Variants in FHIT observed in about 807,000 individuals in gnomAD.
FHIT encodes the protein bis(5'-adenosyl)-triphosphatase.
Under a neutral mutation model 17.9 loss-of-function variants are expected in FHIT, and 19 were observed. The ratio of observed to expected loss-of-function variants is 1.06; its 90% CI spans 0.74 to 1.56. The LOEUF (loss-of-function observed/expected upper bound fraction) is 1.56. FHIT is among the 40% of genes most tolerant of loss of function. The pLI, the probability that FHIT is intolerant of heterozygous loss-of-function variation, is 0.00. For synonymous variants in FHIT, 81 were observed against 69.7 expected (o/e 1.16, Z -0.81); for missense variants, 248 against 189.2 (o/e 1.31, Z -1.82).
intron 3 of FHIT, among the ~76,000 whole-genome samples, chr3:60,967,950 T>C (rs143310519): frequency 1.5e-3 from 221 of 152,306 alleles, no homozygotes; most frequent in African/African-American, 5.1e-3. Context: ...TGTAGGTAAA[T>C]AAAAGTAAAT....
intron 2 of FHIT, among the ~76,000 whole-genome samples, chr3:61,053,863 T>G (rs1365559428): frequency 6.6e-6 from 1 of 152,044 alleles, no homozygotes; most frequent in African/African-American, 2.4e-5. Flanking sequence ...GAACCCAATC[T>G]AAAGGAAACA....
At chr3:60,224,176 G>A (rs922607454) in intron 5 of FHIT, among the ~76,000 whole-genome samples, 2 of 152,126 alleles carry the variant, frequency 1.3e-5, no homozygotes, top group Non-Finnish European at 2.9e-5. Context: ...GAGGAGTACC[G>A]ATTTTATCCC....
chr3:59,790,858 T>A (rs561947378), intron 8 of FHIT, among the ~76,000 whole-genome samples: 1 of 152,116 alleles, frequency 6.6e-6, no homozygotes, highest in Admixed American at 6.6e-5. Context: ...CTAAGTAAAC[T>A]TTTTTTTAAT....
chr3:60,882,320 T>C (rs1397685450), intron 3 of FHIT, among the ~76,000 whole-genome samples: 1 of 152,148 alleles, frequency 6.6e-6, no homozygotes, highest in African/African-American at 2.4e-5. Flanking sequence ...CTAATGCCCA[T>C]CCTTCTCAAA....
chr3:60,407,543 T>C (rs1701911041), intron 5 of FHIT, among the ~76,000 whole-genome samples: 1 of 152,186 alleles, frequency 6.6e-6, no homozygotes, highest in Admixed American at 6.5e-5. Context: ...TATTTATTTT[T>C]ATTTATTGTT....
At chr3:60,816,905 G>A (rs1375117656) in intron 4 of FHIT, among the ~76,000 whole-genome samples, 1 of 151,922 alleles carries the variant, frequency 6.6e-6, no homozygotes, top group Non-Finnish European at 1.5e-5. Flanking sequence ...TGATATGGTT[G>A]CATTTAGAGC....
chr3:60,822,317 T>A (rs1701957757), intron 3 of FHIT, among the ~76,000 whole-genome samples: 1 of 152,170 alleles, frequency 6.6e-6, no homozygotes, highest in Non-Finnish European at 1.5e-5. Flanking sequence ...CATCTGATCC[T>A]CCTCAAGAAC....
At chr3:60,508,214 G>A (rs1275106714) in intron 5 of FHIT, among the ~76,000 whole-genome samples, 1 of 152,110 alleles carries the variant, frequency 6.6e-6, no homozygotes, top group Non-Finnish European at 1.5e-5. Context: ...GTGAAATTTA[G>A]GAAGTAAAAC....
intron 5 of FHIT, among the ~76,000 whole-genome samples, chr3:60,027,422 T>A (rs1363053684): frequency 6.6e-6 from 1 of 152,134 alleles, no homozygotes; most frequent in Non-Finnish European, 1.5e-5. Flanking sequence ...CCAACAGTCT[T>A]CTGTCATGGG....
intron 2 of FHIT, among the ~76,000 whole-genome samples, chr3:61,147,253 A>G (rs1240384387): frequency 1.3e-5 from 2 of 152,186 alleles, no homozygotes; most frequent in Middle Eastern, 3.4e-3. Flanking sequence ...GCGACAAAAC[A>G]AAACAGATTT....
At chr3:60,487,431 G>C (rs959475474) in intron 5 of FHIT, among the ~76,000 whole-genome samples, 1 of 152,080 alleles carries the variant, frequency 6.6e-6, no homozygotes, top group African/African-American at 2.4e-5. Context: ...TCCAAGTAGG[G>C]GATCCATCCA....
At chr3:61,206,568 C>G (rs2039240221) in intron 1 of FHIT, among the ~76,000 whole-genome samples, 1 of 151,830 alleles carries the variant, frequency 6.6e-6, no homozygotes. Context: ...GTATTTTATT[C>G]TCTTTGAAGC....
chr3:60,261,191 A>G (rs1042693322), intron 5 of FHIT, among the ~76,000 whole-genome samples: 1 of 152,066 alleles, frequency 6.6e-6, no homozygotes, highest in Admixed American at 6.6e-5. Context: ...TTCCTAATAA[A>G]GTTGATTTCA....
intron 3 of FHIT, among the ~76,000 whole-genome samples, chr3:60,931,438 T>C (rs1707947471): frequency 6.6e-6 from 1 of 152,242 alleles, no homozygotes. Flanking sequence ...TCATTTATTT[T>C]ACACTATGTG....
intron 4 of FHIT, among the ~76,000 whole-genome samples, chr3:60,714,987 A>G (rs376386482): frequency 1.5e-3 from 226 of 152,304 alleles, no homozygotes; most frequent in Middle Eastern, 3.4e-3. Flanking sequence ...GTCAATCCTA[A>G]GCCAAAAGAA....
intron 5 of FHIT, among the ~76,000 whole-genome samples, chr3:60,364,578 G>C (rs371696012): frequency 6.6e-6 from 1 of 152,194 alleles, no homozygotes; most frequent in Non-Finnish European, 1.5e-5. Flanking sequence ...GGAAATTAAT[G>C]TCACAGGCAT....
At chr3:59,905,445 G>C (rs1704543076) in intron 8 of FHIT, among the ~76,000 whole-genome samples, 1 of 152,170 alleles carries the variant, frequency 6.6e-6, no homozygotes, top group Admixed American at 6.5e-5. Context: ...AATTAAGTTT[G>C]AGCAACTCAT....
At chr3:60,842,161 G>A (rs1010614801) in intron 3 of FHIT, among the ~76,000 whole-genome samples, 9 of 152,016 alleles carry the variant, frequency 5.9e-5, no homozygotes, top group African/African-American at 1.7e-4. Flanking sequence ...CTGCCCTCAC[G>A]GATAACCCTA....
intron 5 of FHIT, among the ~76,000 whole-genome samples, chr3:60,235,160 T>C (rs1315617709): frequency 1.3e-5 from 2 of 152,106 alleles, no homozygotes; most frequent in African/African-American, 4.8e-5. Context: ...ATATTGCATC[T>C]TTCAACCATG....
Sources: gnomAD v4.1 joint callset for allele counts (sites outside exome capture counted in the v4.1 genomes callset) on GRCh38, gnomAD v4.1.1 for gene constraint, MANE v1.5 for transcripts, NCBI Gene and HGNC (gene_info 2026-07-23, HGNC 2026-07-21) for gene names.